The following RNF17 variants were observed in gnomAD, a reference collection of about 807,000 sequenced individuals.
RNF17 encodes ring finger protein 17.
RNF17 carries 31 observed loss-of-function variants against 200.5 expected under a neutral mutation model. The observed-to-expected ratio is 0.15, with a 90% CI of 0.12 to 0.21. The LOEUF (loss-of-function observed/expected upper bound fraction) is 0.21, where lower values mean the gene tolerates loss of function less well. Ranked by LOEUF, RNF17 falls within the 10% of genes least tolerant of loss-of-function variation. RNF17 has a pLI of 1.00. For synonymous variants in RNF17, 606 were observed against 637.8 expected, an observed-to-expected ratio of 0.95 and a Z score of 0.75; for missense variants, 1,628 against 1,905.1, an observed-to-expected ratio of 0.85 and a Z score of 2.71.
intron 7 of RNF17, among the ~76,000 whole-genome samples, chr13:24,788,765 C>T (rs1883454635): frequency 1.3e-5 from 2 of 152,106 alleles, no homozygotes; most frequent in South Asian, 4.1e-4. Flanking sequence ...TTGCTGACTT[C>T]TGCCTCACTC....
At chr13:24,825,066 A>G (rs752212608) in intron 15 of RNF17, among the ~76,000 whole-genome samples, 10 of 152,216 alleles carry the variant, frequency 6.6e-5, no homozygotes, top group Non-Finnish European at 1.0e-4. Context: ...ACATAAATCC[A>G]TAAGGTATGG....
At position 24,767,392 on chromosome 13, in the gene RNF17, A is replaced by G. The variant is rs117452375; in HGVS notation, c.225+26A>G. On this transcript the variant is annotated intron_variant, in intron 2 of 35. Coordinates refer to ENST00000255324, the MANE Select transcript of RNF17 (RefSeq NM_031277.3). ...GTAAGTGTTATAATTTTTCAGATGA[A>G]ACATATCACAACCTAATGTTAATGG... The G allele has an allele frequency of 5.3e-5, 71 of 1,335,612 alleles. No homozygotes were observed. In the East Asian group the frequency reaches 1.5e-3, roughly 28 times the overall value. The allele number at this position is 1,335,612 out of a possible 1,614,324, so 82.7% of individuals were successfully genotyped here.
rs1469435506 is a variant in RNF17, at chr13:24,830,474, A to G, written c.2246-10A>G. 2.0e-6 allele frequency: 3 copies of G among 1,534,162 alleles called. No individual in the cohort carries two copies. The highest frequency in any genetic ancestry group is 1.8e-6 in the Non-Finnish European group (2 of 1,122,380). ...CAAGTTTGTAATTTCTAATTTCATA[A>G]TTTTTCAAGGATTGCCTGGACATCA... On this transcript the variant is annotated splice_polypyrimidine_tract_variant and intron_variant, in intron 16 of 35. Transcript: ENST00000255324.
chr13:24,861,155 A>G (rs1001218726), intron 26 of RNF17, 113 bp from the exon 27 acceptor site: 4 of 811,066 alleles, frequency 4.9e-6, no homozygotes, highest in Non-Finnish European at 7.4e-6. Context: ...CTGGGATTAT[A>G]GGCATGAGCC....
At chr13:24,808,819 A>G (rs1593305008) in intron 15 of RNF17, among the ~76,000 whole-genome samples, 1 of 105,344 alleles carries the variant, frequency 9.5e-6, no homozygotes, top group East Asian at 2.7e-4. Context: ...GATACGTCCC[A>G]TCAATACCTA....
At chr13:24,860,605 T>C (rs1171463691) in intron 26 of RNF17, among the ~76,000 whole-genome samples, 1 of 152,232 alleles carries the variant, frequency 6.6e-6, no homozygotes, top group Non-Finnish European at 1.5e-5. Flanking sequence ...CATTTCATTA[T>C]GTTGGGACAG....
chr13:24,817,759 G>T (rs1217865852), intron 15 of RNF17, among the ~76,000 whole-genome samples: 3 of 150,360 alleles, frequency 2.0e-5, no homozygotes, highest in Non-Finnish European at 4.4e-5. Context: ...TGGTAGTATT[G>T]TCTGCACTTT....
chr13:24,843,812 C>T lies in RNF17; in HGVS notation c.2672C>T (p.Ser891Leu). The change falls in exon 20 of 36, where the codon TCA becomes TTA. Residue 891 changes from serine to leucine, a missense_variant. Ser to Leu is a moderately radical substitution (Grantham distance 145, BLOSUM62 -2). This residue lies in a region of RNF17 where 227 missense variants were observed against 319.8 expected (regional missense o/e 0.71). Transcript: ENST00000255324. ...VWDPSPEEII[S>L]NEVHNLNPVS... ...GATCCTTCTCCAGAAGAAATTATTT[C>T]AAATGAAGTACACAACTTAAATCCT... The T allele has an allele frequency of 6.2e-7, 1 of 1,610,490 alleles. No homozygotes were observed. Among genetic ancestry groups the T allele is most frequent in the Non-Finnish European group, 8.5e-7 (1 of 1,177,866 alleles).
At chr13:24,813,793 ATTTTTTTTTTTTTTTTTTTTTTTTTTT>A (rs61022176) in intron 15 of RNF17, among the ~76,000 whole-genome samples, 1 of 53,962 alleles carries the variant, frequency 1.9e-5, no homozygotes, top group South Asian at 9.7e-4. Context: ...CAGCTCGCTA[ATTTTTTTTTTTTTTTTTTTTTTTTTTT>A]TTTTTTTTTT....
chr13:24,855,723 T>G (rs1892405835), intron 25 of RNF17, among the ~76,000 whole-genome samples: 1 of 152,186 alleles, frequency 6.6e-6, no homozygotes, highest in Non-Finnish European at 1.5e-5. Flanking sequence ...TACCAGTGCA[T>G]GAAGAGTCTT....
intron 28 of RNF17, 94 bp from the exon 29 acceptor site, chr13:24,864,775 ACTAT>A (rs1893454099): frequency 1.1e-6 from 1 of 884,060 alleles, no homozygotes; most frequent in Admixed American, 2.3e-5. Context: ...TCTAGTTAAT[ACTAT>A]GATTGTCAGA....
intron 5 of RNF17, among the ~76,000 whole-genome samples, chr13:24,781,118 A>G (rs1882304356): frequency 1.3e-5 from 2 of 152,152 alleles, no homozygotes; most frequent in South Asian, 2.1e-4. Context: ...TCATGGATCT[A>G]AGCAACAATA....
At chr13:24,884,348 T>C, downstream of RNF17, 5 of 1,614,176 alleles carry the variant, frequency 3.1e-6, no homozygotes, top group Non-Finnish European at 3.4e-6. Flanking sequence ...CATGACCTGC[T>C]TCACGTCACC....
chr13:24,835,059 C>T (rs977998469), intron 18 of RNF17, among the ~76,000 whole-genome samples: 19 of 152,240 alleles, frequency 1.2e-4, no homozygotes, highest in Non-Finnish European at 2.4e-4. Context: ...ATCATTCCCC[C>T]ACTTCCCTGA....
chr13:24,825,811 AC>A (rs1888565689), intron 16 of RNF17, 39 bp downstream of exon 16: 1 of 1,578,302 alleles, frequency 6.3e-7, no homozygotes, highest in Non-Finnish European at 8.6e-7. Context: ...GAGATGTCAT[AC>A]TTCAAAACTA....
At chr13:24,864,233 C>A (rs2138344175) in intron 28 of RNF17, among the ~76,000 whole-genome samples, 1 of 152,126 alleles carries the variant, frequency 6.6e-6, no homozygotes, top group East Asian at 1.9e-4. Flanking sequence ...AGGGAGGGGA[C>A]TGCATTGGCA....
At chr13:24,883,198 C>T, downstream of RNF17, 1 of 1,614,050 alleles carries the variant, frequency 6.2e-7, no homozygotes, top group South Asian at 1.1e-5. Flanking sequence ...TGTCCATTAG[C>T]ACATTACCCT....
chr13:24,792,810 G>A (rs1225197230), intron 9 of RNF17, among the ~76,000 whole-genome samples: 1 of 152,080 alleles, frequency 6.6e-6, no homozygotes, highest in East Asian at 1.9e-4. Context: ...TTATCTCATT[G>A]TAAAATTTCT....
intron 24 of RNF17, among the ~76,000 whole-genome samples, chr13:24,851,870 C>T (rs898225272): frequency 6.6e-6 from 1 of 152,164 alleles, no homozygotes; most frequent in African/African-American, 2.4e-5. Context: ...GTAGTGGATA[C>T]CAGATCTGAG....
Sources: gnomAD v4.1 joint callset for allele counts (sites outside exome capture counted in the v4.1 genomes callset) on GRCh38, gnomAD v4.1.1 for gene constraint, gnomAD v4.1.1 regional missense constraint, MANE v1.5 for transcripts, NCBI Gene and HGNC (gene_info 2026-07-23, HGNC 2026-07-21) for gene names.